The following MICALL2 variants were observed in gnomAD, a reference collection of about 807,000 sequenced individuals.
The protein encoded by MICALL2 is MICAL-like protein 2.
MICALL2 carries 111 observed loss-of-function variants against 91.1 expected under a neutral mutation model. The observed-to-expected ratio is 1.22, with a 90% CI of 1.04 to 1.43. MICALL2 has a LOEUF of 1.43. Ranked by LOEUF, MICALL2 falls within the 40% of genes most tolerant of loss-of-function variation. The pLI is 0.00. For synonymous variants in MICALL2, 694 were observed against 525.3 expected, an observed-to-expected ratio of 1.32 and a Z score of -4.39; for missense variants, 1,556 against 1,236.0, an observed-to-expected ratio of 1.26 and a Z score of -3.88.
At chr7:1,456,924 TC>T (rs1781039636) in intron 1 of MICALL2, among the ~76,000 whole-genome samples, 1 of 152,202 alleles carries the variant, frequency 6.6e-6, no homozygotes, top group Non-Finnish European at 1.5e-5. Context: ...ACTAGCTTCT[TC>T]CTACTGCCGT....
At chr7:1,456,187 G>A (rs1035033407) in intron 1 of MICALL2, among the ~76,000 whole-genome samples, 2 of 152,082 alleles carry the variant, frequency 1.3e-5, no homozygotes, top group Non-Finnish European at 2.9e-5. Flanking sequence ...TCGGGAGGCT[G>A]AGGCAGGAGG....
chr7:1,450,601 G>A lies in MICALL2; in HGVS notation c.144-313C>T, dbSNP rs1780790564. ...GCAGGAAGCAGGCCTGGGAGGTGAG[G>A]TCACCAGCCCAGGGCGGTTCAGCAC... On this transcript the variant is annotated intron_variant, in intron 1 of 16. Coordinates refer to ENST00000297508, the MANE Select transcript of MICALL2 (RefSeq NM_182924.4). The A allele has an allele frequency of 1.1e-5, 4 of 354,956 alleles. No individual in the cohort carries two copies. The South Asian group carries it at 1.2e-4, about 10-fold the overall frequency. The allele number at this position is 354,956 out of a possible 1,614,324, so 22.0% of individuals were successfully genotyped here. A position where few individuals can be genotyped will look rare whatever the true frequency, so the allele number is the denominator to read the frequency against.
At chr7:1,450,155 G>C (rs1780772589) in intron 2 of MICALL2, 85 bp downstream of exon 2, 1 of 1,052,682 alleles carries the variant, frequency 9.5e-7, no homozygotes, top group Non-Finnish European at 1.5e-6. Context: ...GCAGGGCCTG[G>C]GGGGAGTCCC....
chr7:1,444,840 G>C lies in MICALL2; in HGVS notation c.1230C>G (p.Ala410=). The change falls in exon 6 of 17, where the codon GCC becomes GCG. Residue 410 remains alanine (A), a synonymous_variant. Transcript: ENST00000297508. The part of the protein sequence containing the change: ...TVDPPAWTPS[A]SRTQQARNKF... ...TATTCCGGGCCTGCTGGGTCCTGGA[G>C]GCGGACGGGGTCCAGGCTGGGGGGT... 6.2e-7 allele frequency: 1 copy of C among 1,607,756 alleles called. No individual in the cohort carries two copies. The highest frequency in any genetic ancestry group is 8.5e-7 in the Non-Finnish European group (1 of 1,178,392).
At chr7:1,458,180 G>C (rs1345369717) in intron 1 of MICALL2, among the ~76,000 whole-genome samples, 3 of 152,188 alleles carry the variant, frequency 2.0e-5, no homozygotes, top group Non-Finnish European at 4.4e-5. Flanking sequence ...AGGGGCACAG[G>C]GGAGGAGCCC....
chr7:1,459,298 C>T lies in MICALL2; in HGVS notation c.29G>A (p.Trp10Ter). The T allele has an allele frequency of 2.5e-6, 4 of 1,595,514 alleles. No homozygotes were observed. Among genetic ancestry groups the T allele is most frequent in the Non-Finnish European group, 2.6e-6 (3 of 1,172,614 alleles). MAAIRALQQWCRQQCEGYRD... is the reference protein window; with the variant it reads MAAIRALQQ ...GTAGCCCTCGCACTGCTGCCGGCAC[C>T]ACTGTTGCAGCGCCCTGATGGCCGC... is the stretch of plus-strand genomic sequence containing the variant. The change falls in exon 1 of 17, where the codon TGG becomes TAG. Residue 10 changes from tryptophan to a stop codon, truncating the protein, a stop_gained. Transcript: ENST00000297508. LOFTEE classifies it high-confidence loss of function.
chr7:1,440,485 G>T, intron 8 of MICALL2, 106 bp downstream of exon 8: 2 of 979,750 alleles, frequency 2.0e-6, no homozygotes, highest in Non-Finnish European at 3.2e-6. Flanking sequence ...ACAGGGAGGT[G>T]CGTCTATCCC....
At chr7:1,437,731 C>T (rs895499980) in intron 13 of MICALL2, 123 bp from the exon 14 acceptor site, 13 of 1,260,440 alleles carry the variant, frequency 1.0e-5, no homozygotes, top group African/African-American at 1.5e-5. Context: ...GACTCGCCGC[C>T]CGTCCCCCGC....
At position 1,436,830 on chromosome 7, in the gene MICALL2, G is replaced by T; in HGVS notation, c.2503C>A (p.Arg835=). The T allele has an allele frequency of 6.2e-7, 1 of 1,603,184 alleles. No homozygotes were observed. The change falls in exon 15 of 17, where the codon CGG becomes AGG. Residue 835 remains arginine (R), a synonymous_variant. Transcript: ENST00000297508. ...TGCTCCAGCAGCTCCTGCTCCCGCCGCCGCTCCTGCAGTGACTTCAGAGCC... is the reference window on the plus strand; with the variant it reads ...TGCTCCAGCAGCTCCTGCTCCCGCCTCCGCTCCTGCAGTGACTTCAGAGCC... ...PEALKSLQER[R]REQELLEQYV... is the part of the protein sequence containing the mutation.
chr7:1,456,832 AC>A (rs11308206), intron 1 of MICALL2, among the ~76,000 whole-genome samples: 2,368 of 151,996 alleles, frequency 0.016, 53 homozygotes, highest in African/African-American at 0.052. Context: ...CCTGGTGCAC[AC>A]CCGACCCCCA....
chr7:1,446,782 C>T lies in MICALL2; in HGVS notation c.572G>A (p.Cys191Tyr), dbSNP rs770299092. The T allele has an allele frequency of 1.2e-6, 2 of 1,607,494 alleles. No homozygotes were observed. Among genetic ancestry groups the T allele is most frequent in the East Asian group, 2.2e-5 (1 of 44,774 alleles). ...GSLVSSTCGV[C>Y]GKHVHLVQRH... is the part of the protein sequence containing the mutation. ...CTGTACCAGGTGCACGTGCTTGCCG[C>T]AGACCCCGCAGGTGCTGCTGACCAA... Residue 191 changes from cysteine (C) to tyrosine (Y), a missense_variant, in exon 5 of 17, where the codon TGC (cysteine) becomes TAC (tyrosine). Coordinates refer to ENST00000297508, the MANE Select transcript of MICALL2 (RefSeq NM_182924.4).
intron 15 of MICALL2, among the ~76,000 whole-genome samples, chr7:1,436,160 A>T (rs1233868603): frequency 1.3e-5 from 2 of 151,888 alleles, no homozygotes; most frequent in Admixed American, 6.6e-5. Context: ...GAGGCCAAGG[A>T]GGGCAGATCA....
intron 1 of MICALL2, among the ~76,000 whole-genome samples, chr7:1,456,419 C>T (rs1034595652): frequency 2.6e-5 from 4 of 152,018 alleles, no homozygotes; most frequent in African/African-American, 9.7e-5. Context: ...AACCCCGTCT[C>T]TAGAAAAAAT....
At chr7:1,439,463 A>C (rs953738020) in intron 9 of MICALL2, 8 of 191,934 alleles carry the variant, frequency 4.2e-5, no homozygotes, top group Non-Finnish European at 7.2e-5. Context: ...TCGCACATGA[A>C]CACAGATGTA....
At chr7:1,439,583 G>GTACACATGAA (rs1364963519) in intron 9 of MICALL2, 16 of 255,082 alleles carry the variant, frequency 6.3e-5, no homozygotes, top group African/African-American at 2.6e-4. Flanking sequence ...GAACACTGAT[G>GTACACATGAA]TACACATGAA....
chr7:1,440,135 G>T, intron 8 of MICALL2, 50 bp from the exon 9 acceptor site: 1 of 1,558,596 alleles, frequency 6.4e-7, no homozygotes, highest in Non-Finnish European at 8.6e-7. Context: ...CCCAGGGCCT[G>T]GCCCACCTGG....
rs1005957468 is a variant in MICALL2 at position 1,440,551 on chromosome 7, T to C, written c.1805+40A>G. The stretch of plus-strand genomic sequence containing the variant: ...ACTCACTGCATTTATTAAGCACCTA[T>C]GGTGTACCAGGCCCTGGGCCAGCCC... On this transcript the variant is annotated intron_variant, in intron 8 of 16. Coordinates refer to ENST00000297508, the MANE Select transcript of MICALL2 (RefSeq NM_182924.4). 3.3e-6 allele frequency: 5 copies of C among 1,536,146 alleles called. No homozygotes were observed. The African/African-American group carries it at 4.1e-5, about 13-fold the overall frequency.
intron 5 of MICALL2, 66 bp from the exon 6 acceptor site, chr7:1,445,494 G>C (rs974404359): frequency 2.9e-6 from 4 of 1,392,934 alleles, no homozygotes; most frequent in South Asian, 1.5e-5. Flanking sequence ...TTCACCACGT[G>C]CTCCTGATAG....
At chr7:1,437,128 C>G in intron 14 of MICALL2, 1 of 482,724 alleles carries the variant, frequency 2.1e-6, no homozygotes, top group Non-Finnish European at 3.6e-6. Flanking sequence ...GTCGCTGTCC[C>G]TGCAGCACAG....
Sources: allele counts gnomAD v4.1 joint callset (sites outside exome capture counted in the v4.1 genomes callset), GRCh38; gene constraint gnomAD v4.1.1; transcripts MANE v1.5; gene names NCBI Gene and HGNC (gene_info 2026-07-23, HGNC 2026-07-21).